Variants in COL5A1 observed in about 807,000 individuals in gnomAD.
COL5A1 encodes the protein collagen type V alpha 1 chain.
A neutral mutation model predicts 263.7 loss-of-function variants in COL5A1; 16 were observed. That is an observed-to-expected ratio of 0.06 (90% CI 0.04 to 0.09). COL5A1 has a LOEUF of 0.09. Ranked by LOEUF, COL5A1 falls within the 10% of genes least tolerant of loss-of-function variation. The probability of loss-of-function intolerance (pLI) is 1.00; values close to 1 mark genes in which losing one functional copy is unlikely to be tolerated. For synonymous variants in COL5A1, 1,012 were observed against 1,004.5 expected, an observed-to-expected ratio of 1.01 and a Z score of -0.14; for missense variants, 2,036 against 2,540.5, an observed-to-expected ratio of 0.80 and a Z score of 4.27.
At chr9:134,683,957 G>A (rs557239692) in intron 1 of COL5A1, among the ~76,000 whole-genome samples, 155 of 152,348 alleles carry the variant, frequency 1.0e-3, no homozygotes, top group African/African-American at 3.5e-3. Context: ...GCTATGGAGC[G>A]TCCAGGCTCA....
chr9:134,815,897 T>C (rs1375451787), intron 51 of COL5A1, 38 bp from the exon 52 acceptor site: 1 of 1,612,358 alleles, frequency 6.2e-7, no homozygotes, highest in South Asian at 1.1e-5. Flanking sequence ...CAGGGTGCCA[T>C]CCGGGGTTCA....
chr9:134,777,334 G>A (rs1369357403), intron 27 of COL5A1, among the ~76,000 whole-genome samples: 5 of 152,234 alleles, frequency 3.3e-5, no homozygotes, highest in African/African-American at 1.2e-4. Flanking sequence ...TTCCCGGGGC[G>A]GCTGGCCGGC....
intron 4 of COL5A1, among the ~76,000 whole-genome samples, chr9:134,705,165 G>T (rs1833795903): frequency 6.6e-6 from 1 of 152,178 alleles, no homozygotes; most frequent in Admixed American, 6.5e-5. Context: ...GTTTTTCCTG[G>T]GGTGTCTGTG....
intron 32 of COL5A1, among the ~76,000 whole-genome samples, chr9:134,792,739 G>A (rs1299937361): frequency 6.6e-6 from 1 of 151,874 alleles, no homozygotes; most frequent in East Asian, 1.9e-4. Context: ...CCAGGCCTGA[G>A]TGTCCGCATG....
In COL5A1 at chr9:134,716,531, C is replaced by T. The variant is rs78245047; in HGVS notation, c.655-10735C>T. Among the ~76,000 whole-genome samples, 1,274 of 152,296 alleles carry T rather than the reference C, an allele frequency of 8.4e-3. 14 individuals are homozygous for T. The highest frequency in any genetic ancestry group is 0.028 in the African/African-American group (1,176 of 41,542). On this transcript the variant is annotated intron_variant, in intron 4 of 65. Coordinates refer to ENST00000371817, the MANE Select transcript of COL5A1 (RefSeq NM_000093.5). The surrounding 1 kb of genome is among the most constrained non-coding windows in gnomAD (Gnocchi z 4.5). ...GTGCAGGCCTTTGTGAGGTCACCAC[C>T]CTTTGGGTGGCGAGTCTTTGAGGAG...
rs1835335461 is a variant in COL5A1 at position 134,742,353 on chromosome 9, A to C, written c.1494+3545A>C. 6.6e-6 allele frequency among the ~76,000 whole-genome samples: 1 copy of C among 152,084 alleles called. No homozygotes were observed. Among genetic ancestry groups the C allele is most frequent in the Admixed American group, 6.5e-5 (1 of 15,276 alleles). ...GACCAGGCACGGTTAGACAGCAAGA[A>C]TTAATTAGTAAAGGCATTGGAGGAA... On this transcript the variant is annotated intron_variant, in intron 11 of 65. Transcript: ENST00000371817. This position sits in a 1 kb window ranked among gnomAD's most constrained non-coding sequence, Gnocchi z 4.6.
intron 65 of COL5A1, among the ~76,000 whole-genome samples, chr9:134,839,075 C>T (rs906457812): frequency 2.0e-5 from 3 of 152,264 alleles, no homozygotes; most frequent in African/African-American, 7.2e-5. Context: ...CCTGCCTCAG[C>T]CCCCGGAGGT....
chr9:134,695,836 C>T (rs1833440942), intron 2 of COL5A1, among the ~76,000 whole-genome samples: 1 of 152,190 alleles, frequency 6.6e-6, no homozygotes, highest in African/African-American at 2.4e-5. Flanking sequence ...ACCAAGTTAT[C>T]CCTGCAGGGG....
At chr9:134,649,621 G>A (rs1398375772) in intron 1 of COL5A1, 1 of 437,174 alleles carries the variant, frequency 2.3e-6, no homozygotes, top group African/African-American at 2.1e-5. Flanking sequence ...TAAAAACAGT[G>A]TGGTGATTCC....
Position 134,812,725 on chromosome 9 carries a change from C to G in COL5A1, c.3852+13C>G, listed in dbSNP as rs1450300788. ...AGTGGGAGAGAAGGTGAGGCTCGTG[C>G]CTGCTCTGGTGGCAGATTTGCGGTT... On this transcript the variant is annotated intron_variant, in intron 48 of 65. Coordinates refer to ENST00000371817, the MANE Select transcript of COL5A1 (RefSeq NM_000093.5). 1 of 1,532,308 alleles carries G rather than the reference C, an allele frequency of 6.5e-7. No homozygotes were observed. The allele number at this position is 1,532,308 out of a possible 1,614,324, so 94.9% of individuals were successfully genotyped here. A position where few individuals can be genotyped will look rare whatever the true frequency, so the allele number is the denominator to read the frequency against.
intron 1 of COL5A1, among the ~76,000 whole-genome samples, chr9:134,643,909 A>G (rs1284806170): frequency 6.6e-6 from 1 of 151,812 alleles, no homozygotes; most frequent in African/African-American, 2.4e-5. Flanking sequence ...TTGGGGTTCC[A>G]TTTCCCTCCC....
intron 9 of COL5A1, 102 bp downstream of exon 9, chr9:134,732,229 G>A: frequency 1.6e-6 from 2 of 1,238,916 alleles, no homozygotes; most frequent in Non-Finnish European, 2.4e-6. Context: ...CCCTGCACCT[G>A]CGCGCACTGG....
At chr9:134,795,377 G>A (rs1407074266) in intron 34 of COL5A1, 62 bp downstream of exon 34, 14 of 1,459,978 alleles carry the variant, frequency 9.6e-6, no homozygotes, top group South Asian at 5.7e-5. Flanking sequence ...CTACAGAGAC[G>A]TGGAGCGTCT....
chr9:134,665,788 G>A lies in COL5A1; in HGVS notation c.109+23492G>A, dbSNP rs112617446. The stretch of plus-strand genomic sequence containing the variant: ...GACTTAGTCAATTAAAACAACTTGT[G>A]GTCTTAAAAAATAAAAAGGCCAGGC... On this transcript the variant is annotated intron_variant, in intron 1 of 65. Transcript: ENST00000371817. 3.7e-3 allele frequency among the ~76,000 whole-genome samples: 559 copies of A among 152,198 alleles called. 2 individuals are homozygous for A. Among genetic ancestry groups the A allele is most frequent in the Middle Eastern group, 0.014 (4 of 294 alleles).
chr9:134,738,348 C>A, intron 9 of COL5A1, 126 bp from the exon 10 acceptor site: 1 of 1,064,848 alleles, frequency 9.4e-7, no homozygotes, highest in South Asian at 1.4e-5. Flanking sequence ...CTCGTGACTC[C>A]CCAGGACAGC....
At chr9:134,649,853 A>G (rs1341771647) in intron 1 of COL5A1, among the ~76,000 whole-genome samples, 1 of 152,232 alleles carries the variant, frequency 6.6e-6, no homozygotes, top group Non-Finnish European at 1.5e-5. Flanking sequence ...CTATGCAGCC[A>G]TAAAAAAAGG....
At chr9:134,654,214 G>GA (rs1831814402) in intron 1 of COL5A1, among the ~76,000 whole-genome samples, 1 of 145,586 alleles carries the variant, frequency 6.9e-6, no homozygotes, top group Non-Finnish European at 1.5e-5. Context: ...TTGTAGAGCT[G>GA]GTGTGTGTAG....
rs1365884857 is a variant in COL5A1, at chr9:134,768,473, C to T, written c.2286+10C>T. On this transcript the variant is annotated intron_variant, in intron 25 of 65. Coordinates refer to ENST00000371817, the MANE Select transcript of COL5A1 (RefSeq NM_000093.5). ...TGCTGACGGACCCCCGGTGAGTAGC[C>T]CTGCCCACCTCATCCCTCCATACTC... 1 of 1,613,518 alleles carries T rather than the reference C, an allele frequency of 6.2e-7. No individual in the cohort carries two copies. The highest frequency in any genetic ancestry group is 8.5e-7 in the Non-Finnish European group (1 of 1,179,594).
At chr9:134,806,133 C>G (rs1195607711) in intron 41 of COL5A1, 56 bp from the exon 42 acceptor site, 1 of 1,321,432 alleles carries the variant, frequency 7.6e-7, no homozygotes, top group East Asian at 2.5e-5. Flanking sequence ...TTTACAAAGT[C>G]ACGACCACGC....
Sources: allele counts gnomAD v4.1 joint callset (sites outside exome capture counted in the v4.1 genomes callset), GRCh38; gene constraint gnomAD v4.1.1; non-coding constraint Gnocchi (gnomAD v3.1); transcripts MANE v1.5; gene names NCBI Gene and HGNC (gene_info 2026-07-23, HGNC 2026-07-21).